The following MYO16 variants were observed in gnomAD, a reference collection of about 807,000 sequenced individuals.
MYO16 encodes myosin XVI.
MYO16 carries 94 observed loss-of-function variants against 205.3 expected under a neutral mutation model. That is an observed-to-expected ratio of 0.46 (90% confidence interval 0.39 to 0.54). The LOEUF (loss-of-function observed/expected upper bound fraction) is 0.54. Ranked by LOEUF, MYO16 falls within the 20% of genes least tolerant of loss-of-function variation. MYO16 has a pLI of 0.00. For missense variants in MYO16, 2,315 were observed against 2,387.5 expected (o/e 0.97, Z 0.63); for synonymous variants, 988 against 954.0 (o/e 1.04, Z -0.66).
upstream of MYO16, among the ~76,000 whole-genome samples, chr13:108,625,540 T>C (rs529628448): frequency 8.5e-5 from 13 of 152,210 alleles, no homozygotes; most frequent in Admixed American, 8.5e-4. Flanking sequence ...CTTGACTCCA[T>C]TCACCCAGAA....
chr13:109,038,723 A>T (rs1414280400), intron 23 of MYO16, among the ~76,000 whole-genome samples: 1 of 152,128 alleles, frequency 6.6e-6, no homozygotes, highest in African/African-American at 2.4e-5. Context: ...AGTCCAGATT[A>T]TACTTTTTTT....
chr13:108,540,045 G>A, the MYO16 span, among the ~76,000 whole-genome samples: 12 of 152,202 alleles, frequency 7.9e-5, no homozygotes, highest in South Asian at 1.7e-3. Flanking sequence ...AATGTAATGG[G>A]AGAAGTATAT....
rs778683822 is a variant in MYO16 at position 109,140,462 on chromosome 13, C to T, written c.4250C>T (p.Ala1417Val). The T allele has an allele frequency of 2.0e-6, 3 of 1,537,792 alleles. No homozygotes were observed. Among genetic ancestry groups the T allele is most frequent in the Admixed American group, 1.9e-5 (1 of 51,382 alleles). The change falls in exon 32 of 35, where the codon GCG becomes GTG. Residue 1417 changes from alanine to valine, a missense_variant. This residue lies in a region of MYO16 where 1,097 missense variants were observed against 1,092.0 expected (regional missense o/e 1.00). Transcript: ENST00000457511. The surrounding 1 kb of genome is among the most constrained non-coding windows in gnomAD (Gnocchi z 8.0). ...CTGACCCCCGGGACTCCGCAGTGCG[C>T]GCTGCCCCCGGCGGCGCCTCCGGGT... ...RVLTPGTPQC[A>V]LPPAAPPGDE...
chr13:109,066,378 C>G (rs990364590), intron 27 of MYO16, among the ~76,000 whole-genome samples: 3 of 152,152 alleles, frequency 2.0e-5, no homozygotes, highest in Admixed American at 2.0e-4. Context: ...GGTAATTTTG[C>G]CAAATCTAAC....
At chr13:108,980,682 C>G (rs1594443822) in intron 20 of MYO16, among the ~76,000 whole-genome samples, 1 of 152,164 alleles carries the variant, frequency 6.6e-6, no homozygotes, top group Non-Finnish European at 1.5e-5. Context: ...TTTTTGTCAG[C>G]CTCAAACTTT....
At chr13:109,016,849 T>C (rs1885843299) in intron 22 of MYO16, among the ~76,000 whole-genome samples, 1 of 152,186 alleles carries the variant, frequency 6.6e-6, no homozygotes, top group Non-Finnish European at 1.5e-5. Flanking sequence ...ATTTTGAGCC[T>C]ATATATGTCT....
chr13:108,963,967 A>G (rs923475421), intron 19 of MYO16, among the ~76,000 whole-genome samples: 25 of 151,778 alleles, frequency 1.6e-4, no homozygotes, highest in African/African-American at 5.8e-4. Context: ...CTCTGACTAC[A>G]TTTTCCGCCA....
chr13:108,920,546 C>A (rs2139262389), intron 16 of MYO16, among the ~76,000 whole-genome samples: 1 of 152,286 alleles, frequency 6.6e-6, no homozygotes, highest in South Asian at 2.1e-4. Context: ...GCAATCTCCA[C>A]CTCTCAGGTT....
chr13:108,899,848 C>T (rs1880622113), intron 15 of MYO16, among the ~76,000 whole-genome samples: 1 of 152,224 alleles, frequency 6.6e-6, no homozygotes, highest in South Asian at 2.1e-4. Context: ...AGCACTGCGT[C>T]ATCACTTGGG....
intron 33 of MYO16, among the ~76,000 whole-genome samples, chr13:109,171,353 A>G (rs1169546101): frequency 6.6e-6 from 1 of 152,264 alleles, no homozygotes; most frequent in Non-Finnish European, 1.5e-5. Flanking sequence ...CACTTTCTAA[A>G]TAAGGGCACA....
In MYO16 at chr13:109,186,155, G is replaced by A. The variant is rs192306402; in HGVS notation, c.5415+6522G>A. 3.8e-4 allele frequency among the ~76,000 whole-genome samples: 58 copies of A among 152,092 alleles called. No individual in the cohort carries two copies. In the South Asian group the frequency reaches 4.8e-3, roughly 13 times the overall value. ...CATTCCAGCCTAAGCAACAGAGACC[G>A]TGTCTCAAAAAAAAATTAAATTAAA... On this transcript the variant is annotated intron_variant, in intron 34 of 34. Transcript: ENST00000457511.
chr13:108,784,242 T>C (rs201198268), intron 4 of MYO16, among the ~76,000 whole-genome samples: 2 of 151,312 alleles, frequency 1.3e-5, no homozygotes, highest in African/African-American at 4.8e-5. Flanking sequence ...GTTTTTTTTT[T>C]CAAACTCTGA....
chr13:108,805,843 G>A (rs1887096010), intron 6 of MYO16, among the ~76,000 whole-genome samples: 1 of 151,802 alleles, frequency 6.6e-6, no homozygotes, highest in African/African-American at 2.4e-5. Context: ...ACTTTGGGAA[G>A]CCAAGCCAGA....
At chr13:108,962,586 A>G (rs1210304213) in intron 19 of MYO16, 91 bp downstream of exon 19, 8 of 891,806 alleles carry the variant, frequency 9.0e-6, no homozygotes, top group Admixed American at 8.4e-5. Context: ...TAGTGAAACT[A>G]TTTCTATGAA....
chr13:108,587,954 A>G, the MYO16 span, among the ~76,000 whole-genome samples: 4 of 144,788 alleles, frequency 2.8e-5, no homozygotes, highest in African/African-American at 5.8e-5. Context: ...TCTCCAAAAT[A>G]ATATTTTTTT....
At chr13:108,529,919 T>A in the MYO16 span, among the ~76,000 whole-genome samples, 1 of 152,002 alleles carries the variant, frequency 6.6e-6, no homozygotes, top group Non-Finnish European at 1.5e-5. Flanking sequence ...AGGGGCAGAG[T>A]GGGGGATTTG....
At chr13:108,882,845 A>G (rs1705106705) in intron 12 of MYO16, among the ~76,000 whole-genome samples, 1 of 152,182 alleles carries the variant, frequency 6.6e-6, no homozygotes, top group Non-Finnish European at 1.5e-5. Context: ...CCAAGTAATG[A>G]AGGATAAAGT....
At chr13:108,972,732 G>GT (rs1314309703) in intron 20 of MYO16, among the ~76,000 whole-genome samples, 1 of 151,846 alleles carries the variant, frequency 6.6e-6, no homozygotes, top group Non-Finnish European at 1.5e-5. Context: ...GGTCTGACAT[G>GT]TTTGTAACAT....
At chr13:108,626,185 CA>C (rs1372461014), upstream of MYO16, among the ~76,000 whole-genome samples, 1 of 151,670 alleles carries the variant, frequency 6.6e-6, no homozygotes, top group African/African-American at 2.4e-5. Flanking sequence ...GTGTTCATAT[CA>C]GAAATAGTGT....
Sources: allele counts gnomAD v4.1 joint callset (sites outside exome capture counted in the v4.1 genomes callset), GRCh38; gene constraint gnomAD v4.1.1; regional missense constraint gnomAD v4.1.1; non-coding constraint Gnocchi (gnomAD v3.1); transcripts MANE v1.5; gene names NCBI Gene and HGNC (gene_info 2026-07-23, HGNC 2026-07-21).